The following MPP1 variants were observed in gnomAD, a reference collection of about 807,000 sequenced individuals.
MPP1 encodes 55 kDa erythrocyte membrane protein.
In MPP1, 6 loss-of-function variants were observed where a neutral mutation model predicts 38.2. The observed-to-expected ratio is 0.16, with a 90% CI of 0.09 to 0.31. The LOEUF (loss-of-function observed/expected upper bound fraction) is 0.31. Ranked by LOEUF, MPP1 falls within the 10% of genes least tolerant of loss-of-function variation. MPP1 has a pLI of 1.00. For synonymous variants in MPP1, 153 were observed against 146.3 expected (o/e 1.05, Z -0.33); for missense variants, 293 against 368.9 (o/e 0.79, Z 1.69).
chrX:154,798,910 T>C (rs1324710147), intron 1 of MPP1, among the ~76,000 whole-genome samples: 1 of 110,418 alleles, frequency 9.1e-6, no homozygotes, highest in Non-Finnish European at 1.9e-5. Flanking sequence ...AATTTTGTAT[T>C]TTTTGTAGAG....
At chrX:154,787,608 G>A (rs1438854325) in intron 5 of MPP1, among the ~76,000 whole-genome samples, 1 of 111,761 alleles carries the variant, frequency 8.9e-6, no homozygotes, top group African/African-American at 3.3e-5. Context: ...TACATCCAAC[G>A]TCATACTTCT....
chrX:154,787,459 A>G (rs1603430043), intron 5 of MPP1, among the ~76,000 whole-genome samples: 1 of 112,061 alleles, frequency 8.9e-6, no homozygotes, highest in South Asian at 3.7e-4. Context: ...ATAAAAATGG[A>G]AAAAGATCAT....
At chrX:154,800,404 C>T (rs947283858) in intron 1 of MPP1, among the ~76,000 whole-genome samples, 1 of 111,679 alleles carries the variant, frequency 9.0e-6, no homozygotes, top group Non-Finnish European at 1.9e-5. Context: ...CATACATCAA[C>T]CTAAAGGCCA....
At chrX:154,801,204 G>A (rs956710347) in intron 1 of MPP1, among the ~76,000 whole-genome samples, 3 of 112,019 alleles carry the variant, frequency 2.7e-5, no homozygotes, top group Non-Finnish European at 5.6e-5. Flanking sequence ...ACAACTTAGC[G>A]GCGAGGTATT....
Position 154,778,992 on chromosome X carries a change from A to C in MPP1, c.*185T>G, listed in dbSNP as rs2071953959. ...CCAGATCAGTGGGGCCCCATCTATC[A>C]GGAGAATCAACCCTTCAGGAGCCTG... On this transcript the variant is annotated 3_prime_UTR_variant, in exon 12 of 12. Transcript: ENST00000369534. 2.3e-6 allele frequency: 1 copy of C among 443,636 alleles called. No homozygotes were observed. Among genetic ancestry groups the C allele is most frequent in the African/African-American group, 2.5e-5 (1 of 40,377 alleles). The allele number at this position is 443,636 out of a possible 1,213,427, so 36.6% of individuals were successfully genotyped here. A position where few individuals can be genotyped will look rare whatever the true frequency, so the allele number is the denominator to read the frequency against.
chrX:154,794,284 C>G (rs1436000333), intron 1 of MPP1, among the ~76,000 whole-genome samples: 1 of 111,651 alleles, frequency 9.0e-6, no homozygotes, highest in Non-Finnish European at 1.9e-5. Context: ...GGATCAGTCT[C>G]ACAGGTGATC....
At chrX:154,796,276 A>G (rs1177820234) in intron 1 of MPP1, among the ~76,000 whole-genome samples, 3 of 110,452 alleles carry the variant, frequency 2.7e-5, no homozygotes, top group Non-Finnish European at 5.7e-5. Context: ...GATTACAGGC[A>G]AGCGCCACCA....
At chrX:154,782,113 A>C in intron 9 of MPP1, 1 of 239,239 alleles carries the variant, frequency 4.2e-6, no homozygotes, top group Non-Finnish European at 7.5e-6. Flanking sequence ...CTTAGAAATG[A>C]AGATAGCGGA....
chrX:154,793,896 C>T (rs2072168675), intron 1 of MPP1, among the ~76,000 whole-genome samples: 1 of 112,111 alleles, frequency 8.9e-6, no homozygotes. Context: ...CAATCTAAGA[C>T]CAGAATCCAA....
At chrX:154,787,145 C>CACA (rs2072088710) in intron 5 of MPP1, among the ~76,000 whole-genome samples, 2 of 88,180 alleles carry the variant, frequency 2.3e-5, no homozygotes, top group African/African-American at 8.5e-5. Flanking sequence ...CACACACACA[C>CACA]ACCTACCTCA....
In MPP1 at chrX:154,783,438, T is replaced by C; in HGVS notation, c.935A>G (p.Tyr312Cys). The change falls in exon 9 of 12, where the codon TAC becomes TGC. Residue 312 changes from tyrosine (Y) to cysteine (C), a missense_variant. Physicochemically the swap from Tyr to Cys is radical, Grantham distance 194. Coordinates refer to ENST00000369534, the MANE Select transcript of MPP1 (RefSeq NM_002436.4). ...TAAGAGCTACTTACATGGGACAGGG[T>C]ACACAAACTTCTCCGGATTCTGGCT... ...LLSQNPEKFV[Y>C]PVPYTTRPPR... 3.3e-6 allele frequency: 4 copies of C among 1,209,404 alleles called. No individual in the cohort carries two copies. Among genetic ancestry groups the C allele is most frequent in the Non-Finnish European group, 4.5e-6 (4 of 894,198 alleles).
chrX:154,786,254 G>A lies in MPP1; in HGVS notation c.627C>T (p.Gly209=). The A allele has an allele frequency of 8.3e-7, 1 of 1,211,795 alleles. No individual in the cohort carries two copies. Among genetic ancestry groups the A allele is most frequent in the East Asian group, 3.0e-5 (1 of 33,824 alleles). Residue 209 remains glycine, a synonymous_variant, in exon 6 of 12, where the codon GGC becomes GGT. Coordinates refer to ENST00000369534, the MANE Select transcript of MPP1 (RefSeq NM_002436.4). ...DSNWWQGRVE[G]SSKESAGLIP... is the part of the protein sequence containing the mutation. ...TCAATCCTGCTGACTCCTTGGAGGAGCCTTCCACCCGTCCCTGCCACCAAT... is the reference window on the plus strand; with the variant it reads ...TCAATCCTGCTGACTCCTTGGAGGAACCTTCCACCCGTCCCTGCCACCAAT...
chrX:154,796,910 T>C (rs1192386287), intron 1 of MPP1, among the ~76,000 whole-genome samples: 1 of 111,192 alleles, frequency 9.0e-6, no homozygotes, highest in Non-Finnish European at 1.9e-5. Flanking sequence ...AAGCCAGGTG[T>C]GGTGGCATGT....
Position 154,780,396 on chromosome X carries a change from A to G in MPP1, c.1224+843T>C, listed in dbSNP as rs192079908. On this transcript the variant is annotated intron_variant, in intron 11 of 11. Transcript: ENST00000369534. ...AAATGAGCTAAGGGTATGACCAGAT[A>G]ATTCTCAGAAAAGGCAATACAAATT... Among the ~76,000 whole-genome samples the G allele has an allele frequency of 5.2e-4, 59 of 112,957 alleles. 1 individual carries two copies. Among genetic ancestry groups the G allele is most frequent in the African/African-American group, 1.9e-3 (59 of 31,129 alleles).
Position 154,792,188 on chromosome X carries a change from C to T in MPP1, c.200G>A (p.Arg67Gln), listed in dbSNP as rs371958769. 319 of 1,210,202 alleles carry T rather than the reference C, an allele frequency of 2.6e-4. No individual in the cohort carries two copies. The highest frequency in any genetic ancestry group is 3.3e-4 in the Non-Finnish European group (294 of 895,277). ...CTCAAACTGTATGAGTCGCACTTTC[C>T]GCACCTCCTGTCCCTTGACCTGGGC... ...SPAQVKGQEV[R>Q]KVRLIQFEKV... The change falls in exon 2 of 12, where the codon CGG becomes CAG. Residue 67 changes from arginine to glutamine, a missense_variant. Coordinates refer to ENST00000369534, the MANE Select transcript of MPP1 (RefSeq NM_002436.4).
chrX:154,800,201 A>G (rs2072247012), intron 1 of MPP1, among the ~76,000 whole-genome samples: 1 of 112,401 alleles, frequency 8.9e-6, no homozygotes, highest in Admixed American at 9.3e-5. Flanking sequence ...CCACTTTGGG[A>G]AAAAACAAGA....
Position 154,789,817 on chromosome X carries a change from G to A in MPP1, c.480+137C>T. 7.1e-6 allele frequency: 3 copies of A among 421,083 alleles called. No individual in the cohort carries two copies. In the Admixed American group the frequency reaches 1.4e-4, roughly 19 times the overall value. 34.7% of individuals were successfully genotyped at this position (421,083 alleles called of 1,213,427 possible). Reference sequence around the variant, plus strand: ...CAGGCAGGGAATAATGGGACCCTGAGCCAAGCAGCTACACACTTGCGAGAT... The same window carrying A: ...CAGGCAGGGAATAATGGGACCCTGAACCAAGCAGCTACACACTTGCGAGAT... On this transcript the variant is annotated intron_variant, in intron 5 of 11. Transcript: ENST00000369534.
At chrX:154,801,603 A>G (rs2072261754) in intron 1 of MPP1, among the ~76,000 whole-genome samples, 2 of 108,474 alleles carry the variant, frequency 1.8e-5, no homozygotes, top group South Asian at 8.1e-4. Context: ...TATCAAAAAT[A>G]CAAAAATTAG....
chrX:154,783,971 G>A (rs782163527), intron 8 of MPP1, 57 bp downstream of exon 8: 82 of 1,086,860 alleles, frequency 7.5e-5, no homozygotes, highest in Non-Finnish European at 7.2e-5. Flanking sequence ...GGGTGGGCAC[G>A]TGATGCAGGC....
Sources: allele counts gnomAD v4.1 joint callset (sites outside exome capture counted in the v4.1 genomes callset), GRCh38; gene constraint gnomAD v4.1.1; transcripts MANE v1.5; gene names NCBI Gene and HGNC (gene_info 2026-07-23, HGNC 2026-07-21).